Variants in FBXL20 observed in about 807,000 individuals in gnomAD.
FBXL20 encodes the protein F-box and leucine rich repeat protein 20.
FBXL20 carries 11 observed loss-of-function variants against 64.0 expected under a neutral mutation model. The observed-to-expected ratio is 0.17, with a 90% CI of 0.11 to 0.28. The LOEUF (loss-of-function observed/expected upper bound fraction) is 0.28. FBXL20 is among the 10% of genes least tolerant of loss of function. The pLI, the probability that FBXL20 is intolerant of heterozygous loss-of-function variation, is 1.00. For missense variants in FBXL20, 303 were observed against 526.2 expected, an observed-to-expected ratio of 0.58 and a Z score of 4.15; for synonymous variants, 184 against 189.0, an observed-to-expected ratio of 0.97 and a Z score of 0.22.
At chr17:39,353,662 T>G (rs1030930378) in intron 1 of FBXL20, among the ~76,000 whole-genome samples, 4 of 151,582 alleles carry the variant, frequency 2.6e-5, no homozygotes, top group African/African-American at 9.7e-5. Flanking sequence ...CTCACTCTGT[T>G]GCCAGGCTGG....
chr17:39,381,754 T>C (rs563984941), intron 1 of FBXL20, among the ~76,000 whole-genome samples: 264 of 144,242 alleles, frequency 1.8e-3, no homozygotes, highest in Non-Finnish European at 3.0e-3. Context: ...GATTGCACCA[T>C]TGCACTCCAG....
intron 2 of FBXL20, among the ~76,000 whole-genome samples, chr17:39,337,913 TG>T (rs1425133350): frequency 2.9e-5 from 4 of 139,846 alleles, no homozygotes; most frequent in Non-Finnish European, 4.6e-5. Flanking sequence ...GGGAGGGAGG[TG>T]GGGGGGTCAG....
chr17:39,346,539 G>A (rs1171757351), intron 1 of FBXL20, among the ~76,000 whole-genome samples: 4 of 152,036 alleles, frequency 2.6e-5, no homozygotes, highest in Admixed American at 6.6e-5. Flanking sequence ...AAAAGATGAC[G>A]CAGTTGTCTG....
intron 1 of FBXL20, among the ~76,000 whole-genome samples, chr17:39,371,383 T>C: frequency 6.6e-6 from 1 of 152,166 alleles, no homozygotes; most frequent in Non-Finnish European, 1.5e-5. Context: ...TCTGGGGCCA[T>C]TCTTTTTTAT....
At chr17:39,280,427 C>T (rs974955844) in intron 9 of FBXL20, among the ~76,000 whole-genome samples, 6 of 134,310 alleles carry the variant, frequency 4.5e-5, no homozygotes. Flanking sequence ...AAAAAAGTAG[C>T]TGGGTGTGGC....
At position 39,304,201 on chromosome 17, in the gene FBXL20, T is replaced by C. The variant is rs960144118; in HGVS notation, c.105-562A>G. 3.9e-5 allele frequency among the ~76,000 whole-genome samples: 6 copies of C among 151,922 alleles called. No homozygotes were observed. The South Asian group carries it at 6.2e-4, about 16-fold the overall frequency. On this transcript the variant is annotated intron_variant, in intron 2 of 14. Coordinates refer to ENST00000264658, the MANE Select transcript of FBXL20 (RefSeq NM_032875.3). Reference sequence around the variant, plus strand: ...ATTACCTACACCAAAGGATAATAAATAATCTCTAGCTGGTTTTTTTAAAGT... The same window carrying C: ...ATTACCTACACCAAAGGATAATAAACAATCTCTAGCTGGTTTTTTTAAAGT...
chr17:39,377,782 C>T (rs1002849693), intron 1 of FBXL20, among the ~76,000 whole-genome samples: 2 of 152,150 alleles, frequency 1.3e-5, no homozygotes, highest in African/African-American at 4.8e-5. Context: ...GGATTACAGG[C>T]GTAAGCCACC....
At chr17:39,279,940 G>A (rs886541962) in intron 9 of FBXL20, among the ~76,000 whole-genome samples, 8 of 152,106 alleles carry the variant, frequency 5.3e-5, no homozygotes, top group African/African-American at 1.2e-4. Flanking sequence ...CAGCACTTTG[G>A]GAGGCCGAGG....
intron 1 of FBXL20, among the ~76,000 whole-genome samples, chr17:39,367,499 T>C (rs1411333979): frequency 6.6e-6 from 1 of 151,474 alleles, no homozygotes; most frequent in Non-Finnish European, 1.5e-5. Context: ...ATATTTTTGG[T>C]AGAGACAGGG....
intron 1 of FBXL20, among the ~76,000 whole-genome samples, chr17:39,376,419 G>A (rs960521805): frequency 1.3e-5 from 2 of 152,174 alleles, no homozygotes; most frequent in Non-Finnish European, 2.9e-5. Context: ...CTAGGGAAAT[G>A]TATGTCCATA....
At position 39,295,784 on chromosome 17, in the gene FBXL20, G is replaced by GATATATATATAT. The variant is rs10568875; in HGVS notation, c.398+1331_398+1342dup. ...CTTTTTGAAAATATGCAAATATGGA[G>GATATATATATAT]ATATATATATATATATATATATTAA... On this transcript the variant is annotated intron_variant, in intron 6 of 14. Transcript: ENST00000264658. Among the ~76,000 whole-genome samples, 1,092 of 136,978 alleles carry GATATATATATAT rather than the reference G, an allele frequency of 8.0e-3. 18 individuals carry two copies. The highest frequency in any genetic ancestry group is 0.027 in the African/African-American group (1,012 of 37,278). 89.9% of individuals were successfully genotyped at this position (136,978 alleles called of 152,430 possible).
At chr17:39,380,252 G>C (rs1038435058) in intron 1 of FBXL20, among the ~76,000 whole-genome samples, 2 of 152,086 alleles carry the variant, frequency 1.3e-5, no homozygotes, top group African/African-American at 4.8e-5. Context: ...GGCTTACTTT[G>C]TAAGAATAAA....
chr17:39,292,573 T>G (rs552100255), intron 6 of FBXL20, among the ~76,000 whole-genome samples: 1 of 152,082 alleles, frequency 6.6e-6, no homozygotes, highest in African/African-American at 2.4e-5. Context: ...ACTGCTATTT[T>G]TAAACTCCTT....
intron 9 of FBXL20, among the ~76,000 whole-genome samples, chr17:39,280,808 G>A (rs551347351): frequency 5.9e-5 from 9 of 152,074 alleles, no homozygotes; most frequent in African/African-American, 9.6e-5. Context: ...TCTGTTGCCC[G>A]AGCTGGAGTG....
At chr17:39,288,301 C>T (rs888034849) in intron 6 of FBXL20, among the ~76,000 whole-genome samples, 3 of 152,022 alleles carry the variant, frequency 2.0e-5, no homozygotes, top group Non-Finnish European at 2.9e-5. Flanking sequence ...ATTTGCCATT[C>T]CTATGTCTTC....
chr17:39,392,228 T>G (rs1597838770), intron 1 of FBXL20, among the ~76,000 whole-genome samples: 2 of 151,524 alleles, frequency 1.3e-5, no homozygotes, highest in Non-Finnish European at 2.9e-5. Flanking sequence ...TCACCTGAGA[T>G]CAGGAGTTTG....
intron 1 of FBXL20, among the ~76,000 whole-genome samples, chr17:39,356,307 G>C (rs536876022): frequency 2.6e-5 from 4 of 151,980 alleles, no homozygotes; most frequent in Non-Finnish European, 5.9e-5. Context: ...GTGGTATGAG[G>C]TGAGAGCACA....
intron 2 of FBXL20, among the ~76,000 whole-genome samples, chr17:39,314,321 T>C (rs566652883): frequency 1.1e-4 from 17 of 152,248 alleles, no homozygotes; most frequent in Middle Eastern, 3.4e-3. Flanking sequence ...TAATGGACAA[T>C]TGGGTTATTT....
rs2144391615 is a variant in FBXL20, at chr17:39,282,960, T to G, written c.495-105A>C. 3 of 1,344,250 alleles carry G rather than the reference T, an allele frequency of 2.2e-6. No individual in the cohort carries two copies. In the East Asian group the frequency reaches 7.0e-5, roughly 31 times the overall value. The allele number at this position is 1,344,250 out of a possible 1,614,324, so 83.3% of individuals were successfully genotyped here. A position where few individuals can be genotyped will look rare whatever the true frequency, so the allele number is the denominator to read the frequency against. On this transcript the variant is annotated intron_variant, in intron 7 of 14. Coordinates refer to ENST00000264658, the MANE Select transcript of FBXL20 (RefSeq NM_032875.3). ...TAGTAAAGGAATGGAAACATTCCCA[T>G]TTTTTCCCACAAGAAAAAACATATT... is the stretch of plus-strand genomic sequence containing the variant.
Sources: gnomAD v4.1 joint callset for allele counts (sites outside exome capture counted in the v4.1 genomes callset) on GRCh38, gnomAD v4.1.1 for gene constraint, MANE v1.5 for transcripts, NCBI Gene and HGNC (gene_info 2026-07-23, HGNC 2026-07-21) for gene names.